FMN1: variants seen among roughly 807,000 people sequenced by gnomAD.
The protein encoded by FMN1 is formin-1.
FMN1 carries 110 observed loss-of-function variants against 132.4 expected under a neutral mutation model. The ratio of observed to expected loss-of-function variants is 0.83; its 90% confidence interval spans 0.71 to 0.97. The LOEUF is 0.97. FMN1 is among the 50% of genes least tolerant of loss of function. The pLI, the probability that FMN1 is intolerant of heterozygous loss-of-function variation, is 0.00. For synonymous variants in FMN1, 722 were observed against 651.7 expected, an observed-to-expected ratio of 1.11 and a Z score of -1.64; for missense variants, 1,792 against 1,705.3, an observed-to-expected ratio of 1.05 and a Z score of -0.90.
intron 17 of FMN1, among the ~76,000 whole-genome samples, chr15:32,856,411 A>G (rs1356735968): frequency 2.6e-5 from 4 of 152,214 alleles, no homozygotes; most frequent in Non-Finnish European, 4.4e-5. Context: ...TACTCATGCC[A>G]AAACTGTGAA....
intron 4 of FMN1, among the ~76,000 whole-genome samples, chr15:33,098,955 A>G (rs2039188824): frequency 6.6e-6 from 1 of 152,058 alleles, no homozygotes; most frequent in Non-Finnish European, 1.5e-5. Context: ...CAATCTCTTC[A>G]GTTATTTTCA....
intron 7 of FMN1, among the ~76,000 whole-genome samples, chr15:32,981,546 T>A (rs1839433): frequency 0.09 from 11,226 of 125,120 alleles, 459 homozygotes; most frequent in East Asian, 0.14. Flanking sequence ...TAATAATAAT[T>A]ATTATTATTA....
Position 32,804,330 on chromosome 15 carries a change from T to A in FMN1, c.3931A>T (p.Lys1311Ter). The A allele has an allele frequency of 6.4e-7, 1 of 1,559,428 alleles. No individual in the cohort carries two copies. Among genetic ancestry groups the A allele is most frequent in the Non-Finnish European group, 8.7e-7 (1 of 1,150,342 alleles). Residue 1311 changes from lysine (K) to a stop codon, truncating the protein, a stop_gained and splice_region_variant, in exon 18 of 21, where the codon AAA (lysine) becomes TAA (stop). Transcript: ENST00000616417. LOFTEE classifies it high-confidence loss of function. ...CTTTCTTCCATCTTATGCTCTTTTT[T>A]GGCTGTAAAAGATAAATCATGATTA... ...DKLEEFFQKAKKEHKMEESHL... is the reference protein window; with the variant it reads ...DKLEEFFQKA
At chr15:32,993,763 T>G (rs1414064607) in intron 7 of FMN1, among the ~76,000 whole-genome samples, 1 of 152,110 alleles carries the variant, frequency 6.6e-6, no homozygotes, top group African/African-American at 2.4e-5. Context: ...AAGGTAATGC[T>G]TGTTGTCAGA....
chr15:32,968,641 G>T (rs1268460623), intron 8 of FMN1, 73 bp downstream of exon 8: 11 of 1,591,280 alleles, frequency 6.9e-6, no homozygotes, highest in Non-Finnish European at 2.6e-6. Flanking sequence ...ATATTGACCC[G>T]GTAAGAATAA....
At chr15:33,027,774 T>C (rs1596502632) in intron 6 of FMN1, among the ~76,000 whole-genome samples, 2 of 152,260 alleles carry the variant, frequency 1.3e-5, no homozygotes, top group South Asian at 4.1e-4. Flanking sequence ...CACACGAATA[T>C]ACATACACAG....
chr15:33,115,827 T>G (rs2140147611), intron 4 of FMN1, among the ~76,000 whole-genome samples: 1 of 152,282 alleles, frequency 6.6e-6, no homozygotes, highest in African/African-American at 2.4e-5. Context: ...CTTAACTCTT[T>G]GTGGTCATGA....
intron 9 of FMN1, among the ~76,000 whole-genome samples, chr15:32,939,907 T>C (rs2061363173): frequency 6.6e-6 from 1 of 152,150 alleles, no homozygotes; most frequent in Non-Finnish European, 1.5e-5. Flanking sequence ...GGAAATTTAA[T>C]ATATATATTT....
In FMN1 at chr15:32,798,829, C is replaced by A; in HGVS notation, c.4105G>T (p.Glu1369Ter). ...CSDFKTIWKR[E>*]SKNISKERLK... ...CTTTCTTTAGATATGTTTTTACTCT[C>A]CCGTTTCCAAATTGTCTTGAAGTCA... is the stretch of plus-strand genomic sequence containing the variant. Residue 1369 changes from glutamate (E) to a stop codon, truncating the protein, a stop_gained, in exon 19 of 21, where the codon GAG (glutamate) becomes TAG (stop). Coordinates refer to ENST00000616417, the MANE Select transcript of FMN1 (RefSeq NM_001277313.2). LOFTEE classifies it high-confidence loss of function. The A allele has an allele frequency of 6.2e-7, 1 of 1,613,234 alleles. No individual in the cohort carries two copies. The highest frequency in any genetic ancestry group is 8.5e-7 in the Non-Finnish European group (1 of 1,179,594).
At position 32,907,420 on chromosome 15, in the gene FMN1, T is replaced by C. The variant is rs561879425; in HGVS notation, c.3377+1070A>G. Among the ~76,000 whole-genome samples, 20 of 152,240 alleles carry C rather than the reference T, an allele frequency of 1.3e-4. No individual in the cohort carries two copies. The South Asian group carries it at 4.2e-3, about 32-fold the overall frequency. On this transcript the variant is annotated intron_variant, in intron 12 of 20. Transcript: ENST00000616417. ...GGTTTGTGCTCCTATGAGAATCTGATGCTGCTGCTGATCTGACAGGAGGCG... is the reference window on the plus strand; with the variant it reads ...GGTTTGTGCTCCTATGAGAATCTGACGCTGCTGCTGATCTGACAGGAGGCG...
chr15:33,150,453 A>G (rs1964398172), intron 4 of FMN1: 1 of 985,296 alleles, frequency 1.0e-6, no homozygotes, highest in Non-Finnish European at 1.2e-6. Flanking sequence ...TTTTATCACC[A>G]CTATGTGGTG....
rs148010614 is a variant in FMN1, at chr15:32,798,322, C to T, written c.4130+482G>A. Among the ~76,000 whole-genome samples, 80 of 152,290 alleles carry T rather than the reference C, an allele frequency of 5.3e-4. 1 individual carries two copies. In the East Asian group the frequency reaches 0.011, roughly 21 times the overall value. ...GCAGTTTGATGTCCGCAGCAGGATA[C>T]AGGGAGTCAGAAGTGGCGCTGTAAA... is the stretch of plus-strand genomic sequence containing the variant. On this transcript the variant is annotated intron_variant, in intron 19 of 20. Coordinates refer to ENST00000616417, the MANE Select transcript of FMN1 (RefSeq NM_001277313.2).
chr15:32,968,577 GT>G (rs1201902576), intron 8 of FMN1, 136 bp downstream of exon 8: 7 of 1,320,282 alleles, frequency 5.3e-6, no homozygotes, highest in South Asian at 1.6e-5. Flanking sequence ...TCCCAACATT[GT>G]TTATCCAAGC....
At chr15:33,183,015 A>G (rs1402405619) in intron 2 of FMN1, among the ~76,000 whole-genome samples, 2 of 152,194 alleles carry the variant, frequency 1.3e-5, no homozygotes, top group African/African-American at 4.8e-5. Context: ...TAGAATGAAG[A>G]TTCAATACCA....
At chr15:32,898,731 T>C (rs776268359) in intron 15 of FMN1, 103 bp downstream of exon 15, 67 of 744,278 alleles carry the variant, frequency 9.0e-5, no homozygotes, top group Non-Finnish European at 1.5e-4. Flanking sequence ...TCTCATATTC[T>C]ATGTTGGGCT....
intron 19 of FMN1, among the ~76,000 whole-genome samples, chr15:32,784,509 T>C (rs1464655552): frequency 6.6e-6 from 1 of 152,178 alleles, no homozygotes; most frequent in Non-Finnish European, 1.5e-5. Flanking sequence ...AAGAACTGTC[T>C]ATGAATATCT....
At chr15:32,967,477 C>G (rs557815122) in intron 8 of FMN1, among the ~76,000 whole-genome samples, 8 of 152,242 alleles carry the variant, frequency 5.3e-5, no homozygotes, top group African/African-American at 1.7e-4. Context: ...AATAAATATT[C>G]TGGGAAATGA....
At chr15:33,131,105 G>A (rs1963524663) in intron 4 of FMN1, among the ~76,000 whole-genome samples, 2 of 152,168 alleles carry the variant, frequency 1.3e-5, no homozygotes, top group South Asian at 4.2e-4. Context: ...CGAGGCAGGT[G>A]GATCACCTGA....
intron 13 of FMN1, among the ~76,000 whole-genome samples, chr15:32,901,071 T>C (rs963100586): frequency 1.4e-4 from 21 of 152,040 alleles, no homozygotes; most frequent in Non-Finnish European, 2.2e-4. Context: ...GGAGAATCGC[T>C]TGAGCCCTTG....
Sources: allele counts gnomAD v4.1 joint callset (sites outside exome capture counted in the v4.1 genomes callset), GRCh38; gene constraint gnomAD v4.1.1; transcripts MANE v1.5; gene names NCBI Gene and HGNC (gene_info 2026-07-23, HGNC 2026-07-21).